ASCC3: variants seen among roughly 807,000 people sequenced by gnomAD.
ASCC3 encodes the protein activating signal cointegrator 1 complex subunit 3, also known as ASC-1 complex subunit P200.
A neutral mutation model predicts 256.3 loss-of-function variants in ASCC3; 158 were observed. The observed-to-expected ratio is 0.62, with a 90% CI of 0.54 to 0.70. The LOEUF (loss-of-function observed/expected upper bound fraction) is 0.70, where lower values mean the gene tolerates loss of function less well. Ranked by LOEUF, ASCC3 falls within the 30% of genes least tolerant of loss-of-function variation. The pLI, the probability that ASCC3 is intolerant of heterozygous loss-of-function variation, is 0.00. For missense variants in ASCC3, 2,259 were observed against 2,626.0 expected (o/e 0.86, Z 3.05); for synonymous variants, 948 against 883.4 (o/e 1.07, Z -1.30).
chr6:100,731,197 G>T (rs1008528301), intron 10 of ASCC3, among the ~76,000 whole-genome samples: 1 of 152,076 alleles, frequency 6.6e-6, no homozygotes, highest in African/African-American at 2.4e-5. Context: ...GGGGAGAGAC[G>T]TTCTCCTATT....
At chr6:100,746,498 A>G (rs1780685488) in intron 10 of ASCC3, among the ~76,000 whole-genome samples, 1 of 152,208 alleles carries the variant, frequency 6.6e-6, no homozygotes, top group Non-Finnish European at 1.5e-5. Flanking sequence ...CCTACTTTCT[A>G]AAACTTCAGA....
chr6:100,753,154 A>G (rs1781014184), intron 10 of ASCC3, among the ~76,000 whole-genome samples: 1 of 152,196 alleles, frequency 6.6e-6, no homozygotes, highest in Admixed American at 6.6e-5. Context: ...AATATACATC[A>G]AAATCCTAAG....
chr6:100,517,945 T>C (rs747445208), intron 38 of ASCC3, 46 bp downstream of exon 38: 2 of 1,591,708 alleles, frequency 1.3e-6, no homozygotes, highest in South Asian at 2.2e-5. Flanking sequence ...AAAATATTTT[T>C]TTGAAATCAA....
intron 30 of ASCC3, among the ~76,000 whole-genome samples, chr6:100,611,817 C>G (rs951015939): frequency 2.4e-4 from 37 of 151,266 alleles, no homozygotes; most frequent in Non-Finnish European, 5.3e-4. Flanking sequence ...AAAATGGATG[C>G]CTTAGGACAT....
chr6:100,862,723 C>T (rs907832262), intron 3 of ASCC3, among the ~76,000 whole-genome samples: 5 of 152,118 alleles, frequency 3.3e-5, no homozygotes, highest in Admixed American at 1.3e-4. Flanking sequence ...TCTCATGAAA[C>T]TTACATCAGA....
intron 13 of ASCC3, among the ~76,000 whole-genome samples, chr6:100,691,617 G>T (rs536026380): frequency 6.6e-6 from 1 of 151,408 alleles, no homozygotes; most frequent in South Asian, 2.1e-4. Flanking sequence ...ATTTTTATTT[G>T]GTATTTATAA....
chr6:100,593,628 T>C (rs1772120417), intron 34 of ASCC3, among the ~76,000 whole-genome samples: 1 of 152,130 alleles, frequency 6.6e-6, no homozygotes, highest in African/African-American at 2.4e-5. Context: ...TTCAGATATC[T>C]TGCTGGGAAA....
intron 10 of ASCC3, among the ~76,000 whole-genome samples, chr6:100,725,991 T>TAAA (rs199692955): frequency 2.3e-5 from 3 of 130,028 alleles, no homozygotes; most frequent in Non-Finnish European, 5.0e-5. Flanking sequence ...TCTTACAATG[T>TAAA]AAAAAAAAAA....
intron 11 of ASCC3, among the ~76,000 whole-genome samples, chr6:100,720,699 T>C (rs190672665): frequency 6.6e-6 from 1 of 151,586 alleles, no homozygotes; most frequent in East Asian, 1.9e-4. Context: ...ACCATTTTTC[T>C]TAAGATAACA....
chr6:100,880,248 CA>C (rs1197706931), intron 1 of ASCC3, among the ~76,000 whole-genome samples: 4 of 150,268 alleles, frequency 2.7e-5, no homozygotes, highest in Non-Finnish European at 4.4e-5. Flanking sequence ...ATAGTAAAAC[CA>C]AAAGCTTAAT....
chr6:100,653,414 C>T (rs577888148), intron 17 of ASCC3, among the ~76,000 whole-genome samples: 17 of 151,912 alleles, frequency 1.1e-4, no homozygotes, highest in South Asian at 2.1e-4. Context: ...CCAAGGTGGG[C>T]GGCTCACGAG....
At chr6:100,609,842 A>C (rs1773304029) in intron 30 of ASCC3, among the ~76,000 whole-genome samples, 1 of 152,142 alleles carries the variant, frequency 6.6e-6, no homozygotes, top group South Asian at 2.1e-4. Flanking sequence ...CCCGGGATGC[A>C]GAGGTTGCAG....
intron 17 of ASCC3, 60 bp from the exon 18 acceptor site, chr6:100,652,949 ATATAT>A: frequency 1.3e-6 from 2 of 1,481,758 alleles, no homozygotes; most frequent in South Asian, 1.2e-5. Flanking sequence ...ATTTGCAAAC[ATATAT>A]TTATTTATGG....
intron 24 of ASCC3, among the ~76,000 whole-genome samples, chr6:100,639,452 T>C (rs1254591981): frequency 6.6e-6 from 1 of 152,128 alleles, no homozygotes; most frequent in Non-Finnish European, 1.5e-5. Flanking sequence ...AGAGAAACAG[T>C]TATACACCCT....
chr6:100,852,084 A>C (rs1255601412), intron 3 of ASCC3, among the ~76,000 whole-genome samples: 1 of 152,164 alleles, frequency 6.6e-6, no homozygotes, highest in Admixed American at 6.5e-5. Flanking sequence ...CAGACGAAGG[A>C]CCCCAGGTGC....
chr6:100,812,199 C>T (rs1342142391), intron 4 of ASCC3, among the ~76,000 whole-genome samples: 1 of 152,060 alleles, frequency 6.6e-6, no homozygotes, highest in Non-Finnish European at 1.5e-5. Context: ...CCAGTGGAAA[C>T]ATGGGACAAA....
chr6:100,737,614 T>A (rs1467418865), intron 10 of ASCC3, among the ~76,000 whole-genome samples: 1 of 152,218 alleles, frequency 6.6e-6, no homozygotes, highest in East Asian at 1.9e-4. Flanking sequence ...CACATTTTCT[T>A]TATCCAGTCT....
intron 36 of ASCC3, among the ~76,000 whole-genome samples, chr6:100,577,106 T>C (rs746470660): frequency 6.6e-6 from 1 of 151,394 alleles, no homozygotes; most frequent in Non-Finnish European, 1.5e-5. Context: ...AAAAAATTCA[T>C]GCAAATGCCA....
chr6:100,872,380 A>T (rs971416851), intron 1 of ASCC3, among the ~76,000 whole-genome samples: 2 of 150,934 alleles, frequency 1.3e-5, no homozygotes, highest in African/African-American at 4.9e-5. Flanking sequence ...ATCTAATATT[A>T]GGATTCGGTA....
Sources: allele counts gnomAD v4.1 joint callset (sites outside exome capture counted in the v4.1 genomes callset), GRCh38; gene constraint gnomAD v4.1.1; transcripts MANE v1.5; gene names NCBI Gene and HGNC (gene_info 2026-07-23, HGNC 2026-07-21).